SLC9D1: variants seen among roughly 807,000 people sequenced by gnomAD.
SLC9D1 encodes the protein putative LAG1-interacting protein.
At chr13:113,539,889 G>A in the SLC9D1 span, among the ~76,000 whole-genome samples, 1 of 152,048 alleles carries the variant, frequency 6.6e-6, no homozygotes, top group Non-Finnish European at 1.5e-5. The surrounding 1 kb of genome is among the most constrained non-coding windows in gnomAD (Gnocchi z 4.8). Flanking sequence ...ACCTTGCCCA[G>A]GCCCCAGTGT....
the SLC9D1 span, among the ~76,000 whole-genome samples, chr13:113,521,202 G>T: frequency 6.6e-6 from 1 of 151,630 alleles, no homozygotes; most frequent in South Asian, 2.1e-4. Flanking sequence ...GCATGTATGT[G>T]TGGCGCACCT....
At chr13:113,503,408 C>G in the SLC9D1 span, 1 of 859,072 alleles carries the variant, frequency 1.2e-6, no homozygotes, top group Non-Finnish European at 1.9e-6. Context: ...ATACTTCCAC[C>G]GGGCATACTA....
At chr13:113,535,894 G>A in the SLC9D1 span, among the ~76,000 whole-genome samples, 15 of 151,302 alleles carry the variant, frequency 9.9e-5, no homozygotes, top group East Asian at 5.8e-4. The surrounding 1 kb of genome is among the most constrained non-coding windows in gnomAD (Gnocchi z 4.1). Flanking sequence ...TGTCTATATC[G>A]GCACCTGAGT....
At chr13:113,507,246 C>T in the SLC9D1 span, among the ~76,000 whole-genome samples, 15 of 149,510 alleles carry the variant, frequency 1.0e-4, no homozygotes, top group Non-Finnish European at 2.2e-4. Context: ...GACGGCATCC[C>T]GCTGTTTTTC....
the SLC9D1 span, among the ~76,000 whole-genome samples, chr13:113,543,994 C>A: frequency 3.3e-5 from 5 of 152,222 alleles, no homozygotes; most frequent in Middle Eastern, 3.2e-3. Context: ...GTTCTGGAGT[C>A]CAGGCAGCAC....
chr13:113,542,653 G>T, the SLC9D1 span, among the ~76,000 whole-genome samples: 23 of 152,180 alleles, frequency 1.5e-4, no homozygotes, highest in South Asian at 2.1e-4. Context: ...AGGGTCTGTG[G>T]AGCAGCCTGG....
the SLC9D1 span, chr13:113,529,197 C>G: frequency 3.3e-5 from 5 of 152,208 alleles, no homozygotes; most frequent in African/African-American, 7.2e-5. Context: ...AGGTATTGAT[C>G]CCACCGAAAT....
the SLC9D1 span, chr13:113,495,836 G>T: frequency 8.7e-6 from 14 of 1,614,054 alleles, no homozygotes; most frequent in African/African-American, 1.7e-4. Context: ...TGGGCCTGTC[G>T]GATGAAGAGA....
chr13:113,494,405 T>C, the SLC9D1 span, among the ~76,000 whole-genome samples: 14,806 of 152,172 alleles, frequency 0.097, 1,064 homozygotes, highest in Admixed American at 0.23. Context: ...CTCATCCTGC[T>C]TTCTGAACAG....
the SLC9D1 span, chr13:113,503,635 A>G: frequency 3.8e-6 from 5 of 1,327,914 alleles, no homozygotes; most frequent in Admixed American, 8.7e-5. Flanking sequence ...GCTTCACATC[A>G]TGTGGTTTTG....
the SLC9D1 span, chr13:113,528,297 A>T: frequency 6.6e-6 from 1 of 152,184 alleles, no homozygotes; most frequent in African/African-American, 2.4e-5. Context: ...AGGCCTGGCC[A>T]GGGGGTTCTG....
chr13:113,538,997 G>A, the SLC9D1 span, among the ~76,000 whole-genome samples: 2 of 152,230 alleles, frequency 1.3e-5, no homozygotes, highest in Non-Finnish European at 2.9e-5. Flanking sequence ...TAGTGGGAAT[G>A]CGTTTCTAAC....
the SLC9D1 span, chr13:113,520,678 C>G: frequency 5.6e-5 from 90 of 1,613,944 alleles, no homozygotes; most frequent in Non-Finnish European, 7.2e-5. Context: ...GCAGCTCGGG[C>G]TCTTCATGGC....
At chr13:113,514,515 G>C in the SLC9D1 span, 2 of 143,042 alleles carry the variant, frequency 1.4e-5, no homozygotes, top group Non-Finnish European at 3.0e-5. Flanking sequence ...GCCAAGCTTT[G>C]TTTTAGACCG....
chr13:113,523,719 A>T, the SLC9D1 span, among the ~76,000 whole-genome samples: 1 of 151,910 alleles, frequency 6.6e-6, no homozygotes, highest in East Asian at 1.9e-4. Flanking sequence ...TAGATTATTG[A>T]TTTTAAACTT....
the SLC9D1 span, chr13:113,534,003 T>A: frequency 6.9e-7 from 1 of 1,445,402 alleles, no homozygotes; most frequent in East Asian, 2.3e-5. Context: ...TTTAGAGAAC[T>A]GTGTTTTGGA....
At chr13:113,495,624 G>T in the SLC9D1 span, 1 of 1,566,032 alleles carries the variant, frequency 6.4e-7, no homozygotes. Flanking sequence ...GCTGTTTCCC[G>T]TCCTTCCCTG....
At chr13:113,491,840 C>G in the SLC9D1 span, among the ~76,000 whole-genome samples, 1 of 152,260 alleles carries the variant, frequency 6.6e-6, no homozygotes. Flanking sequence ...GCGGGGGAAG[C>G]AAGACCGCTG....
chr13:113,516,108 G>A, the SLC9D1 span, among the ~76,000 whole-genome samples: 1 of 152,158 alleles, frequency 6.6e-6, no homozygotes, highest in African/African-American at 2.4e-5. Flanking sequence ...ACATTGAAAG[G>A]TATGGTTAAG....
Sources: allele counts gnomAD v4.1 joint callset (sites outside exome capture counted in the v4.1 genomes callset), GRCh38; gene constraint gnomAD v4.1.1; non-coding constraint Gnocchi (gnomAD v3.1); transcripts MANE v1.5; gene names NCBI Gene and HGNC (gene_info 2026-07-23, HGNC 2026-07-21).